The following ST18 variants were observed in gnomAD, a reference collection of about 807,000 sequenced individuals.
The protein encoded by ST18 is ST18 C2H2C-type zinc finger transcription factor.
ST18 carries 50 observed loss-of-function variants against 110.0 expected under a neutral mutation model. That is an observed-to-expected ratio of 0.45 (90% CI 0.36 to 0.58). The LOEUF (loss-of-function observed/expected upper bound fraction) is 0.58. ST18 is among the 20% of genes least tolerant of loss of function. The pLI is 0.00. For missense variants in ST18, 1,306 were observed against 1,280.1 expected, an observed-to-expected ratio of 1.02 and a Z score of -0.31; for synonymous variants, 461 against 452.4, an observed-to-expected ratio of 1.02 and a Z score of -0.24.
At chr8:52,267,239 G>A (rs1374924768) in intron 2 of ST18, among the ~76,000 whole-genome samples, 1 of 151,960 alleles carries the variant, frequency 6.6e-6, no homozygotes, top group Non-Finnish European at 1.5e-5. Flanking sequence ...CCATACTTTA[G>A]GGAGCCAAGC....
intron 5 of ST18, among the ~76,000 whole-genome samples, chr8:52,219,801 C>T (rs557967275): frequency 1.7e-4 from 26 of 152,168 alleles, no homozygotes; most frequent in Non-Finnish European, 3.4e-4. Flanking sequence ...AAACCTGAGA[C>T]CTGAAACAAG....
rs1005826432 is a variant in ST18 at position 52,310,349 on chromosome 8, A to G, written c.-464-80272T>C. 4.6e-5 allele frequency among the ~76,000 whole-genome samples: 7 copies of G among 151,870 alleles called. 1 individual carries two copies. Among genetic ancestry groups the G allele is most frequent in the Non-Finnish European group, 1.0e-4 (7 of 68,000 alleles). ...AGTTTTTCTGCACACCTACACATGTACATTATAAACATAATGAGCACTGTG... is the reference window on the plus strand; with the variant it reads ...AGTTTTTCTGCACACCTACACATGTGCATTATAAACATAATGAGCACTGTG... On this transcript the variant is annotated intron_variant, in intron 2 of 25. Transcript: ENST00000689386.
Position 52,115,821 on chromosome 8 carries a change from C to T in ST18, c.3003+454G>A, listed in dbSNP as rs139763576. 4.6e-3 allele frequency among the ~76,000 whole-genome samples: 698 copies of T among 152,022 alleles called. 9 individuals carry two copies. The highest frequency in any genetic ancestry group is 0.016 in the African/African-American group (647 of 41,458). On this transcript the variant is annotated intron_variant, in intron 25 of 25. Transcript: ENST00000689386. The stretch of plus-strand genomic sequence containing the variant: ...TGCTTTTTATTTTATATGAGGAGAA[C>T]TGAAGTACGTTCTTCATACTTCCAT...
Position 52,274,877 on chromosome 8 carries a change from A to G in ST18, c.-464-44800T>C, listed in dbSNP as rs185340095. Reference sequence around the variant, plus strand: ...TTTTTTGTTTCAAAGAAAGCTGTTTATTTATGAAAGAGTGTCATTTTGTTT... The same window carrying G: ...TTTTTTGTTTCAAAGAAAGCTGTTTGTTTATGAAAGAGTGTCATTTTGTTT... On this transcript the variant is annotated intron_variant, in intron 2 of 25. Coordinates refer to ENST00000689386, the MANE Select transcript of ST18 (RefSeq NM_001352837.2). Among the ~76,000 whole-genome samples the G allele has an allele frequency of 4.0e-3, 608 of 152,238 alleles. 3 individuals carry two copies. Among genetic ancestry groups the G allele is most frequent in the African/African-American group, 0.014 (581 of 41,562 alleles).
chr8:52,207,302 C>T (rs2080445437), intron 8 of ST18, among the ~76,000 whole-genome samples: 1 of 152,128 alleles, frequency 6.6e-6, no homozygotes, highest in Non-Finnish European at 1.5e-5. Flanking sequence ...CCAGTCAGAG[C>T]AACATAGTGA....
intron 8 of ST18, among the ~76,000 whole-genome samples, chr8:52,193,601 T>C (rs1178264348): frequency 7.0e-6 from 1 of 143,714 alleles, no homozygotes; most frequent in African/African-American, 2.9e-5. Flanking sequence ...TGCTGCGTGA[T>C]ACACAATCTG....
At position 52,337,741 on chromosome 8, in the gene ST18, C is replaced by A. The variant is rs115521608; in HGVS notation, c.-465+71587G>T. Among the ~76,000 whole-genome samples the A allele has an allele frequency of 8.4e-3, 1,281 of 152,350 alleles. 17 individuals are homozygous for A. The highest frequency in any genetic ancestry group is 0.029 in the African/African-American group (1,205 of 41,586). ...CTCAGGGATACCAAAGCTTCTCTATCTACATCAAAGCCCTCAGTAAGCTGC... is the reference window on the plus strand; with the variant it reads ...CTCAGGGATACCAAAGCTTCTCTATATACATCAAAGCCCTCAGTAAGCTGC... On this transcript the variant is annotated intron_variant, in intron 2 of 25. Coordinates refer to ENST00000689386, the MANE Select transcript of ST18 (RefSeq NM_001352837.2).
At chr8:52,130,119 A>G (rs199711829) in intron 22 of ST18, among the ~76,000 whole-genome samples, 3,509 of 105,130 alleles carry the variant, frequency 0.033, 93 homozygotes, top group African/African-American at 0.072. Context: ...AGAAAGAAAG[A>G]AAAGAAAGAA....
intron 2 of ST18, among the ~76,000 whole-genome samples, chr8:52,384,415 C>T (rs1835762314): frequency 6.6e-6 from 1 of 152,078 alleles, no homozygotes. Flanking sequence ...TAAGTCCTCC[C>T]ACTTCGTTCT....
intron 8 of ST18, among the ~76,000 whole-genome samples, chr8:52,188,609 A>C (rs894887029): frequency 6.6e-6 from 1 of 152,196 alleles, no homozygotes; most frequent in South Asian, 2.1e-4. Flanking sequence ...GTATTTTAGG[A>C]GGACTATTCT....
At position 52,132,188 on chromosome 8, in the gene ST18, A is replaced by C; in HGVS notation, c.2445-9T>G. ...ACCCTATCACAGGACATCTAGAGAG[A>C]AAGCAGAGACATTACCAGCCAGGAA... is the stretch of plus-strand genomic sequence containing the variant. On this transcript the variant is annotated splice_polypyrimidine_tract_variant and intron_variant, in intron 21 of 25. Coordinates refer to ENST00000689386, the MANE Select transcript of ST18 (RefSeq NM_001352837.2). The C allele has an allele frequency of 6.2e-7, 1 of 1,605,052 alleles. No individual in the cohort carries two copies.
chr8:52,188,649 G>T (rs1231842167), intron 8 of ST18, among the ~76,000 whole-genome samples: 2 of 152,214 alleles, frequency 1.3e-5, no homozygotes, highest in African/African-American at 4.8e-5. Context: ...GTTGTAGATA[G>T]AAGGTTAGAA....
rs1183119979 is a variant in ST18 at position 52,221,644 on chromosome 8, C to T, written c.-269G>A. On this transcript the variant is annotated 5_prime_UTR_variant, in exon 4 of 26. Coordinates refer to ENST00000689386, the MANE Select transcript of ST18 (RefSeq NM_001352837.2). ...TTTAAAACACAAGCCACCAACCTTT[C>T]TTGCAGAAAATTTCTACCGTCCTGC... 6.6e-6 allele frequency: 1 copy of T among 152,218 alleles called. No homozygotes were observed. The highest frequency in any genetic ancestry group is 1.5e-5 in the Non-Finnish European group (1 of 68,030). The allele number at this position is 152,218 out of a possible 1,614,324, so 9.4% of individuals were successfully genotyped here.
rs1488275190 is a variant in ST18 at position 52,126,100 on chromosome 8, C to T, written c.2707G>A (p.Gly903Ser). 2.5e-6 allele frequency: 4 copies of T among 1,614,014 alleles called. No individual in the cohort carries two copies. Among genetic ancestry groups the T allele is most frequent in the Non-Finnish European group, 3.4e-6 (4 of 1,179,996 alleles). The change falls in exon 23 of 26, where the codon GGC becomes AGC. Residue 903 changes from glycine to serine, a missense_variant. By Grantham distance (56) the Gly-to-Ser change is moderately conservative. Transcript: ENST00000689386. Reference protein sequence around the residue: ...CPLNAQVIKKGKVSEELMTIK... With the variant: ...CPLNAQVIKKSKVSEELMTIK... ...GTCATGAGTTCTTCAGAAACCTTGC[C>T]CTTTTTGATAACTTGTGCATTGAGA...
intron 2 of ST18, among the ~76,000 whole-genome samples, chr8:52,235,110 T>A (rs183780825): frequency 4.0e-5 from 6 of 151,736 alleles, no homozygotes; most frequent in Non-Finnish European, 8.8e-5. Context: ...CAAAAACCTA[T>A]GGAAATCAAA....
intron 8 of ST18, among the ~76,000 whole-genome samples, chr8:52,182,488 TG>T (rs1171767180): frequency 6.6e-6 from 1 of 152,216 alleles, no homozygotes; most frequent in African/African-American, 2.4e-5. Context: ...TATTGTAATA[TG>T]CAACTACATA....
At chr8:52,269,686 C>T (rs77632745) in intron 2 of ST18, among the ~76,000 whole-genome samples, 4,462 of 152,184 alleles carry the variant, frequency 0.029, 119 homozygotes, top group Admixed American at 0.077. Context: ...CTCTGCACTG[C>T]CAATTTCACG....
At chr8:52,308,639 C>T (rs908598721) in intron 2 of ST18, among the ~76,000 whole-genome samples, 1 of 152,332 alleles carries the variant, frequency 6.6e-6, no homozygotes, top group Middle Eastern at 3.4e-3. Context: ...GAGTCACATG[C>T]CCCCTTCCTG....
At chr8:52,117,624 T>C (rs2043016192) in intron 24 of ST18, among the ~76,000 whole-genome samples, 1 of 152,194 alleles carries the variant, frequency 6.6e-6, no homozygotes, top group Admixed American at 6.5e-5. Context: ...TCAGATGGAT[T>C]AAAACCCTTT....
Sources: allele counts gnomAD v4.1 joint callset (sites outside exome capture counted in the v4.1 genomes callset), GRCh38; gene constraint gnomAD v4.1.1; transcripts MANE v1.5; gene names NCBI Gene and HGNC (gene_info 2026-07-23, HGNC 2026-07-21).